The following PLCH1 variants were observed in gnomAD, a reference collection of about 807,000 sequenced individuals.
PLCH1 encodes phospholipase C eta 1.
A neutral mutation model predicts 126.7 loss-of-function variants in PLCH1; 60 were observed. The observed-to-expected ratio is 0.47, with a 90% CI of 0.38 to 0.59. The LOEUF (loss-of-function observed/expected upper bound fraction) is 0.59. PLCH1 is among the 20% of genes least tolerant of loss of function. The pLI is 0.00. For missense variants in PLCH1, 1,723 were observed against 2,040.0 expected, an observed-to-expected ratio of 0.84 and a Z score of 2.99; for synonymous variants, 719 against 734.9, an observed-to-expected ratio of 0.98 and a Z score of 0.35.
In PLCH1 at chr3:155,707,885, C is replaced by G. The variant is rs147056771; in HGVS notation, c.-40-3621G>C. Among the ~76,000 whole-genome samples, 295 of 152,240 alleles carry G rather than the reference C, an allele frequency of 1.9e-3. 1 individual carries two copies. The highest frequency in any genetic ancestry group is 6.9e-3 in the African/African-American group (286 of 41,542). ...CACATACTTGGACATTAGCTCACAT[C>G]AATGGCCCAGGCTTTCCAGCTTCCA... On this transcript the variant is annotated intron_variant, in intron 1 of 22. Transcript: ENST00000460012.
intron 2 of PLCH1, among the ~76,000 whole-genome samples, chr3:155,641,999 T>C (rs544453073): frequency 4.5e-4 from 68 of 152,214 alleles, no homozygotes; most frequent in African/African-American, 1.6e-3. Flanking sequence ...TTGTAAGAAA[T>C]AGTGAATGCA....
chr3:155,575,336 T>C (rs996524182), intron 6 of PLCH1, among the ~76,000 whole-genome samples: 3 of 152,134 alleles, frequency 2.0e-5, no homozygotes, highest in Non-Finnish European at 4.4e-5. Flanking sequence ...TACCAAACCA[T>C]TCTGGATTCA....
At chr3:155,518,050 T>C (rs1421148809) in intron 11 of PLCH1, among the ~76,000 whole-genome samples, 1 of 152,162 alleles carries the variant, frequency 6.6e-6, no homozygotes, top group African/African-American at 2.4e-5. Flanking sequence ...TTTTTTCCCA[T>C]ATAGTAATGG....
chr3:155,452,643 G>A (rs1315540581), intron 21 of PLCH1, among the ~76,000 whole-genome samples: 1 of 152,226 alleles, frequency 6.6e-6, no homozygotes, highest in East Asian at 1.9e-4. Flanking sequence ...GTACAAGAAG[G>A]AAGGAGCTGG....
chr3:155,467,600 G>A (rs1031962215), intron 21 of PLCH1, among the ~76,000 whole-genome samples: 2 of 151,462 alleles, frequency 1.3e-5, no homozygotes, highest in African/African-American at 4.9e-5. Flanking sequence ...CCTAAAAGCA[G>A]CAAGAGAAAA....
At chr3:155,555,362 T>C (rs1726691601) in intron 8 of PLCH1, among the ~76,000 whole-genome samples, 1 of 152,174 alleles carries the variant, frequency 6.6e-6, no homozygotes, top group Admixed American at 6.5e-5. Flanking sequence ...CCAGGTATGG[T>C]TGACAGAAAC....
intron 8 of PLCH1, among the ~76,000 whole-genome samples, chr3:155,556,833 G>T (rs1726878171): frequency 6.6e-6 from 1 of 152,182 alleles, no homozygotes; most frequent in Non-Finnish European, 1.5e-5. Context: ...ACAAGCATGA[G>T]AGTCAATTCC....
intron 1 of PLCH1, among the ~76,000 whole-genome samples, chr3:155,706,497 A>C (rs1451463853): frequency 1.3e-5 from 2 of 150,390 alleles, no homozygotes; most frequent in Admixed American, 6.6e-5. Flanking sequence ...GCACACACCT[A>C]TAATCCCATC....
chr3:155,468,870 G>C (rs554601172), intron 21 of PLCH1, among the ~76,000 whole-genome samples: 1 of 152,238 alleles, frequency 6.6e-6, no homozygotes, highest in South Asian at 2.1e-4. Flanking sequence ...CTTCCAGATA[G>C]AAAATCAACA....
At chr3:155,527,784 G>C (rs916527885) in intron 10 of PLCH1, among the ~76,000 whole-genome samples, 1 of 151,914 alleles carries the variant, frequency 6.6e-6, no homozygotes, top group African/African-American at 2.4e-5. Context: ...GCCAGGCGTG[G>C]TGGTAAGCAC....
chr3:155,703,166 C>T (rs358705), intron 2 of PLCH1, among the ~76,000 whole-genome samples: 82,320 of 152,100 alleles, frequency 0.54, 23,931 homozygotes, highest in African/African-American at 0.74. Context: ...CTATAAACAC[C>T]AAAGTGCTTA....
intron 2 of PLCH1, among the ~76,000 whole-genome samples, chr3:155,697,402 AAT>A (rs1160822953): frequency 6.6e-6 from 1 of 152,158 alleles, no homozygotes; most frequent in East Asian, 1.9e-4. Flanking sequence ...TTAGGCGTAT[AAT>A]ATCGTCAATG....
At chr3:155,529,819 T>A (rs963727008) in intron 10 of PLCH1, among the ~76,000 whole-genome samples, 2 of 152,112 alleles carry the variant, frequency 1.3e-5, no homozygotes, top group Admixed American at 6.6e-5. Flanking sequence ...CAGGCTGGAG[T>A]GCAATGGCAC....
In PLCH1 at chr3:155,554,180, G is replaced by C. The variant is rs769192869; in HGVS notation, c.1086C>G (p.Gly362=). 4.2e-5 allele frequency: 68 copies of C among 1,613,378 alleles called. No individual in the cohort carries two copies. Among genetic ancestry groups the C allele is most frequent in the Non-Finnish European group, 5.7e-5 (67 of 1,179,590 alleles). Residue 362 remains glycine (G), a synonymous_variant, in exon 9 of 23, where the codon GGC becomes GGG. Coordinates refer to ENST00000460012, the MANE Select transcript of PLCH1 (RefSeq NM_014996.4). Reference sequence around the variant, plus strand: ...GATGTACTACTGGCTCTCCATCTGGGCCATCCCAACAGTCAACTGCCAAAA... The same window carrying C: ...GATGTACTACTGGCTCTCCATCTGGCCCATCCCAACAGTCAACTGCCAAAA... ...CRCVEVDCWD[G]PDGEPVVHHG... is the part of the protein sequence containing the mutation.
chr3:155,631,224 T>C (rs1737984306), intron 2 of PLCH1, among the ~76,000 whole-genome samples: 1 of 152,194 alleles, frequency 6.6e-6, no homozygotes. Context: ...GCTTGACAAA[T>C]AATAAAATAC....
At chr3:155,453,799 T>C (rs922773016) in intron 21 of PLCH1, among the ~76,000 whole-genome samples, 4 of 151,252 alleles carry the variant, frequency 2.6e-5, no homozygotes, top group Non-Finnish European at 5.9e-5. Flanking sequence ...ATTATAAATA[T>C]GTATTTATCT....
intron 2 of PLCH1, among the ~76,000 whole-genome samples, chr3:155,646,397 G>C (rs1016547044): frequency 2.0e-5 from 3 of 152,126 alleles, no homozygotes; most frequent in African/African-American, 7.2e-5. Flanking sequence ...CTTCTGAAAT[G>C]ACATCCGGAA....
intron 2 of PLCH1, among the ~76,000 whole-genome samples, chr3:155,672,530 C>A (rs1400553539): frequency 6.6e-6 from 1 of 152,152 alleles, no homozygotes; most frequent in African/African-American, 2.4e-5. Context: ...AATATGACAA[C>A]ATTCAAACCA....
Position 155,511,955 on chromosome 3 carries a change from T to C in PLCH1, c.1632+2768A>G, listed in dbSNP as rs1466320727. Among the ~76,000 whole-genome samples the C allele has an allele frequency of 5.1e-4, 78 of 152,114 alleles. 1 individual carries two copies. The highest frequency in any genetic ancestry group is 1.4e-3 in the African/African-American group (60 of 41,524). ...GGCGGGCGCCCCTCCCCCAGCCTCATTGCCGCCTTGCAGTTTGATCTCAGA... is the reference window on the plus strand; with the variant it reads ...GGCGGGCGCCCCTCCCCCAGCCTCACTGCCGCCTTGCAGTTTGATCTCAGA... On this transcript the variant is annotated intron_variant, in intron 12 of 22. Transcript: ENST00000460012.
Sources: allele counts gnomAD v4.1 joint callset (sites outside exome capture counted in the v4.1 genomes callset), GRCh38; gene constraint gnomAD v4.1.1; transcripts MANE v1.5; gene names NCBI Gene and HGNC (gene_info 2026-07-23, HGNC 2026-07-21).